Variants in KIF21A observed in about 807,000 individuals in gnomAD.
KIF21A encodes kinesin family member 21A.
Under a neutral mutation model 202.9 loss-of-function variants are expected in KIF21A, and 114 were observed. That is an observed-to-expected ratio of 0.56 (90% CI 0.48 to 0.66). The LOEUF is 0.66. Among genes scored for constraint, KIF21A ranks in the 30% least tolerant of loss-of-function variants. KIF21A has a pLI of 0.00. For synonymous variants in KIF21A, 667 were observed against 670.8 expected (o/e 0.99, Z 0.09); for missense variants, 1,677 against 1,994.9 (o/e 0.84, Z 3.04).
chr12:39,359,659 A>G (rs1439376202), intron 7 of KIF21A, among the ~76,000 whole-genome samples: 1 of 152,218 alleles, frequency 6.6e-6, no homozygotes. Context: ...ATTAGAGAAT[A>G]GAGCAACTTG....
chr12:39,372,307 C>T (rs1950018619), intron 1 of KIF21A, among the ~76,000 whole-genome samples: 1 of 152,282 alleles, frequency 6.6e-6, no homozygotes, highest in South Asian at 2.1e-4. Flanking sequence ...TTTTTCTCCT[C>T]TATGATACTG....
At chr12:39,353,891 C>G (rs1948584251) in intron 10 of KIF21A, among the ~76,000 whole-genome samples, 1 of 152,038 alleles carries the variant, frequency 6.6e-6, no homozygotes, top group Non-Finnish European at 1.5e-5. Context: ...CGTTCACTCA[C>G]CCACCCACTT....
chr12:39,366,270 T>C (rs1482649670), intron 6 of KIF21A, 80 bp downstream of exon 6: 2 of 1,271,082 alleles, frequency 1.6e-6, no homozygotes, highest in East Asian at 4.6e-5. Context: ...AGGATTTCCA[T>C]ATGGATATTA....
chr12:39,294,450 G>T lies in KIF21A; in HGVS notation c.4999C>A (p.Leu1667Met), dbSNP rs775014213. 1 of 1,613,426 alleles carries T rather than the reference G, an allele frequency of 6.2e-7. No individual in the cohort carries two copies. Among genetic ancestry groups the T allele is most frequent in the Non-Finnish European group, 8.5e-7 (1 of 1,179,456 alleles). Residue 1667 changes from leucine (L) to methionine (M), a missense_variant, in exon 38 of 38, where the codon CTG (leucine) becomes ATG (methionine). Leu to Met is a conservative substitution (Grantham distance 15). Coordinates refer to ENST00000361418, the MANE Select transcript of KIF21A (RefSeq NM_001173464.2). Reference protein sequence around the residue: ...QDGQISDTGDLGEDIASN With the variant: ...QDGQISDTGDMGEDIASN ...TAATTACTGGCAATATCTTCCCCCA[G>T]ATCTCCTGTGTCAGAGATCTGACCA...
rs374692248 is a variant in KIF21A at position 39,307,723 on chromosome 12, T to C, written c.4284A>G (p.Ser1428=). Residue 1428 remains serine (S), a synonymous_variant, in exon 34 of 38, where the codon TCA becomes TCG. Transcript: ENST00000361418. ...AAGCATCTCCAAGAGTAACTTGACCTGAAGACCTTAAGAGATACAAACAAA... is the reference window on the plus strand; with the variant it reads ...AAGCATCTCCAAGAGTAACTTGACCCGAAGACCTTAAGAGATACAAACAAA... ...SAKCIRTLTS[S]GQVTLGDACS... is the part of the protein sequence containing the mutation. 3.2e-5 allele frequency: 51 copies of C among 1,613,724 alleles called. No homozygotes were observed. The highest frequency in any genetic ancestry group is 4.3e-5 in the Non-Finnish European group (51 of 1,179,870).
chr12:39,337,008 T>A, intron 17 of KIF21A, 88 bp downstream of exon 17: 1 of 820,602 alleles, frequency 1.2e-6, no homozygotes, highest in South Asian at 1.4e-5. Context: ...TTAGTAGTTA[T>A]GGTTACCAGA....
intron 1 of KIF21A, among the ~76,000 whole-genome samples, chr12:39,375,699 T>G (rs1950229070): frequency 2.0e-5 from 3 of 152,084 alleles, no homozygotes; most frequent in South Asian, 2.1e-4. Context: ...TAGTCTCCAA[T>G]CGGGAGTTTT....
rs1281147759 is a variant in KIF21A, at chr12:39,333,201, G to T, written c.2487+11C>A. Reference sequence around the variant, plus strand: ...AAGGTTTCTTCCAAATGGTCAGCTTGCTTACTGTACCTCTTCAGTTTTGCG... The same window carrying T: ...AAGGTTTCTTCCAAATGGTCAGCTTTCTTACTGTACCTCTTCAGTTTTGCG... On this transcript the variant is annotated intron_variant, in intron 18 of 37. Transcript: ENST00000361418. The T allele has an allele frequency of 6.2e-7, 1 of 1,612,636 alleles. No individual in the cohort carries two copies. The highest frequency in any genetic ancestry group is 8.5e-7 in the Non-Finnish European group (1 of 1,178,750).
At position 39,368,174 on chromosome 12, in the gene KIF21A, T is replaced by A. The variant is rs1949725471; in HGVS notation, c.451-142A>T. 6.6e-6 allele frequency: 4 copies of A among 608,488 alleles called. No individual in the cohort carries two copies. In the East Asian group the frequency reaches 1.1e-4, roughly 17 times the overall value. 37.7% of individuals were successfully genotyped at this position (608,488 alleles called of 1,614,324 possible). ...ATTTTTTCAAAATAACACATTAAAA[T>A]GAATGAGGCTATTATTATAACAATT... is the stretch of plus-strand genomic sequence containing the variant. On this transcript the variant is annotated intron_variant, in intron 3 of 37. Coordinates refer to ENST00000361418, the MANE Select transcript of KIF21A (RefSeq NM_001173464.2).
chr12:39,436,270 A>G (rs1274608931), intron 1 of KIF21A, among the ~76,000 whole-genome samples: 1 of 151,710 alleles, frequency 6.6e-6, no homozygotes. Flanking sequence ...GACTTGAGCT[A>G]CTAGTCATGT....
At chr12:39,384,617 A>G (rs1950825963) in intron 1 of KIF21A, among the ~76,000 whole-genome samples, 1 of 152,194 alleles carries the variant, frequency 6.6e-6, no homozygotes, top group South Asian at 2.1e-4. Flanking sequence ...AGAACTCTTA[A>G]TCTCTACATT....
intron 32 of KIF21A, among the ~76,000 whole-genome samples, chr12:39,310,766 C>A (rs896160268): frequency 6.6e-6 from 1 of 151,998 alleles, no homozygotes; most frequent in Non-Finnish European, 1.5e-5. Context: ...TTTCCAGAAC[C>A]CCAAAACTCT....
chr12:39,341,651 C>G (rs748043577), intron 13 of KIF21A, 29 bp from the exon 14 acceptor site: 8 of 1,574,400 alleles, frequency 5.1e-6, no homozygotes, highest in Non-Finnish European at 6.0e-6. Flanking sequence ...AAATTAATAG[C>G]ACAATATTGG....
chr12:39,407,896 A>G (rs769032242), intron 1 of KIF21A, among the ~76,000 whole-genome samples: 10 of 146,588 alleles, frequency 6.8e-5, no homozygotes, highest in Non-Finnish European at 9.1e-5. Flanking sequence ...AAATATATTT[A>G]GCATATAAAT....
chr12:39,355,499 A>G (rs1477088275), intron 10 of KIF21A, among the ~76,000 whole-genome samples: 3 of 151,888 alleles, frequency 2.0e-5, no homozygotes, highest in African/African-American at 7.3e-5. Context: ...CAAGAATTAA[A>G]AAAACAGAGC....
intron 7 of KIF21A, among the ~76,000 whole-genome samples, chr12:39,359,673 T>C (rs1333010474): frequency 1.3e-5 from 2 of 152,154 alleles, no homozygotes; most frequent in African/African-American, 2.4e-5. Context: ...CAACTTGAAG[T>C]GTGGTCCCCA....
intron 6 of KIF21A, 109 bp downstream of exon 6, chr12:39,366,241 T>G (rs1462794220): frequency 2.2e-5 from 21 of 946,928 alleles, no homozygotes; most frequent in Non-Finnish European, 1.0e-5. Flanking sequence ...TAATTTTCAT[T>G]TCTTGGTTCA....
At chr12:39,317,325 T>C (rs893774976) in intron 29 of KIF21A, among the ~76,000 whole-genome samples, 1 of 152,140 alleles carries the variant, frequency 6.6e-6, no homozygotes, top group African/African-American at 2.4e-5. Flanking sequence ...TATTGATTTA[T>C]ACAGGGAGGC....
intron 1 of KIF21A, among the ~76,000 whole-genome samples, chr12:39,376,266 C>A (rs1950265397): frequency 6.6e-6 from 1 of 152,008 alleles, no homozygotes; most frequent in East Asian, 1.9e-4. Flanking sequence ...ATCTTTACAC[C>A]TCCATTCATA....
Sources: gnomAD v4.1 joint callset for allele counts (sites outside exome capture counted in the v4.1 genomes callset) on GRCh38, gnomAD v4.1.1 for gene constraint, MANE v1.5 for transcripts, NCBI Gene and HGNC (gene_info 2026-07-23, HGNC 2026-07-21) for gene names.